Variants in SULF1 observed in about 807,000 individuals in gnomAD.
SULF1 encodes the protein extracellular sulfatase Sulf-1.
Under a neutral mutation model 110.5 loss-of-function variants are expected in SULF1, and 46 were observed. That is an observed-to-expected ratio of 0.42 (90% CI 0.33 to 0.53). The LOEUF (loss-of-function observed/expected upper bound fraction) is 0.53, where lower values mean the gene tolerates loss of function less well. Ranked by LOEUF, SULF1 falls within the 20% of genes least tolerant of loss-of-function variation. The probability of loss-of-function intolerance (pLI) is 0.12; values close to 1 mark genes in which losing one functional copy is unlikely to be tolerated. For synonymous variants in SULF1, 371 were observed against 387.1 expected, an observed-to-expected ratio of 0.96 and a Z score of 0.49; for missense variants, 941 against 1,094.2, an observed-to-expected ratio of 0.86 and a Z score of 1.98.
At chr8:69,571,899 A>G (rs1805260817) in intron 5 of SULF1, among the ~76,000 whole-genome samples, 1 of 152,176 alleles carries the variant, frequency 6.6e-6, no homozygotes, top group Non-Finnish European at 1.5e-5. Context: ...AACACAGTGG[A>G]GTGAAGAGAT....
chr8:69,520,800 G>C (rs1039479765), intron 3 of SULF1, among the ~76,000 whole-genome samples: 72 of 152,230 alleles, frequency 4.7e-4, no homozygotes, highest in Middle Eastern at 3.4e-3. Flanking sequence ...TATCAGCTTG[G>C]GTTCTCTTTC....
intron 3 of SULF1, among the ~76,000 whole-genome samples, chr8:69,543,349 T>C (rs989510538): frequency 3.9e-5 from 6 of 152,276 alleles, no homozygotes; most frequent in African/African-American, 1.4e-4. Context: ...ATGCATTGGC[T>C]ATTTTCCCTA....
At chr8:69,564,197 C>G in intron 5 of SULF1, 50 bp downstream of exon 5, 1 of 1,597,914 alleles carries the variant, frequency 6.3e-7, no homozygotes, top group African/African-American at 1.3e-5. Flanking sequence ...CAGATGATTT[C>G]TCGAGTCTCA....
intron 6 of SULF1, 113 bp downstream of exon 6, chr8:69,576,322 A>C (rs1215029117): frequency 4.6e-6 from 6 of 1,316,146 alleles, no homozygotes; most frequent in Non-Finnish European, 6.3e-6. Context: ...AAAAGGATCA[A>C]GTGTTTTTAA....
intron 19 of SULF1, among the ~76,000 whole-genome samples, chr8:69,633,372 A>G (rs1810735430): frequency 7.0e-6 from 1 of 142,798 alleles, no homozygotes; most frequent in Non-Finnish European, 1.5e-5. Flanking sequence ...CTTGTTGCCC[A>G]GGCTGGAGTG....
chr8:69,475,866 AT>A (rs1809282115), intron 1 of SULF1, among the ~76,000 whole-genome samples: 1 of 152,194 alleles, frequency 6.6e-6, no homozygotes, highest in Non-Finnish European at 1.5e-5. Flanking sequence ...CACAACTGTG[AT>A]TTTCATAAGG....
chr8:69,531,768 G>A (rs1813099107), intron 3 of SULF1, among the ~76,000 whole-genome samples: 1 of 152,032 alleles, frequency 6.6e-6, no homozygotes, highest in African/African-American at 2.4e-5. Context: ...CATTATAATC[G>A]ATGCTGCTTC....
At chr8:69,470,944 A>G (rs902065540) in intron 1 of SULF1, among the ~76,000 whole-genome samples, 1 of 152,064 alleles carries the variant, frequency 6.6e-6, no homozygotes, top group Non-Finnish European at 1.5e-5. Flanking sequence ...CTTTAAAATG[A>G]GTTTGTCATC....
Position 69,621,116 on chromosome 8 carries a change from C to G in SULF1, c.1459C>G (p.Gln487Glu), listed in dbSNP as rs372786570. 120 of 1,613,994 alleles carry G rather than the reference C, an allele frequency of 7.4e-5. No individual in the cohort carries two copies. Among genetic ancestry groups the G allele is most frequent in the Non-Finnish European group, 9.9e-5 (117 of 1,179,980 alleles). The change falls in exon 14 of 23, where the codon CAG becomes GAG. Residue 487 changes from glutamine to glutamate, a missense_variant. Transcript: ENST00000402687. ...ACCCAGTGACCTGCTCACAGTCCGGCAGAGCACGCGGAACCTCTACGCTCG... is the reference window on the plus strand; with the variant it reads ...ACCCAGTGACCTGCTCACAGTCCGGGAGAGCACGCGGAACCTCTACGCTCG... ...KGPSDLLTVRQSTRNLYARGF... is the reference protein window; with the variant it reads ...KGPSDLLTVRESTRNLYARGF...
At chr8:69,504,883 T>G (rs1224069733) in intron 3 of SULF1, among the ~76,000 whole-genome samples, 1 of 152,190 alleles carries the variant, frequency 6.6e-6, no homozygotes, top group Non-Finnish European at 1.5e-5. Flanking sequence ...GGGTATGTGC[T>G]TGGACAATCA....
Position 69,621,252 on chromosome 8 carries a change from G to A in SULF1, c.1594+1G>A. On this transcript the variant is annotated splice_donor_variant, in intron 14 of 22. Transcript: ENST00000402687. LOFTEE classifies it high-confidence loss of function. Reference sequence around the variant, plus strand: ...TTCTTGAGAAACCAGGGGACTCCAAGTAAGCCACGCTTTTGTGACCATCTC... The same window carrying A: ...TTCTTGAGAAACCAGGGGACTCCAAATAAGCCACGCTTTTGTGACCATCTC... 6.2e-7 allele frequency: 1 copy of A among 1,610,534 alleles called. No individual in the cohort carries two copies. The highest frequency in any genetic ancestry group is 8.5e-7 in the Non-Finnish European group (1 of 1,177,928).
upstream of SULF1, among the ~76,000 whole-genome samples, chr8:69,488,313 G>T (rs1331147708): frequency 6.6e-6 from 1 of 152,212 alleles, no homozygotes; most frequent in African/African-American, 2.4e-5. Flanking sequence ...AGTTAGCAAA[G>T]ATTTAAATGA....
Position 69,589,508 on chromosome 8 carries a change from A to C in SULF1, c.734+367A>C, listed in dbSNP as rs143203496. Reference sequence around the variant, plus strand: ...CAAATAGTATGCTTTTCATAGCTGCACAGTGGGGACCTCTGGTCTGGTTAT... The same window carrying C: ...CAAATAGTATGCTTTTCATAGCTGCCCAGTGGGGACCTCTGGTCTGGTTAT... On this transcript the variant is annotated intron_variant, in intron 8 of 22. Coordinates refer to ENST00000402687, the MANE Select transcript of SULF1 (RefSeq NM_001128205.2). Among the ~76,000 whole-genome samples, 211 of 152,356 alleles carry C rather than the reference A, an allele frequency of 1.4e-3. 1 individual carries two copies. The highest frequency in any genetic ancestry group is 4.8e-3 in the African/African-American group (198 of 41,578).
At chr8:69,574,969 C>T (rs754271251) in intron 5 of SULF1, among the ~76,000 whole-genome samples, 2 of 152,146 alleles carry the variant, frequency 1.3e-5, no homozygotes, top group East Asian at 1.9e-4. Flanking sequence ...GTTTGCATTA[C>T]GATTTCCTTC....
chr8:69,523,985 T>C (rs1049807674), intron 3 of SULF1, among the ~76,000 whole-genome samples: 2 of 152,078 alleles, frequency 1.3e-5, no homozygotes. Flanking sequence ...TCTTCAAAAA[T>C]TCAGACAGGA....
rs949716994 is a variant in SULF1 at position 69,483,215 on chromosome 8, CAT to C, written c.-390-12548_-390-12547del. ...GGGAGACTGTATTTATAATCACAAT[CAT>C]ACGTTTTGCCAGTCAGTCATCAATA... On this transcript the variant is annotated intron_variant, in intron 1 of 22. Transcript: ENST00000260128. Among the ~76,000 whole-genome samples, 25 of 152,212 alleles carry C rather than the reference CAT, an allele frequency of 1.6e-4. 1 individual carries two copies. Among genetic ancestry groups the C allele is most frequent in the African/African-American group, 6.0e-4 (25 of 41,468 alleles).
chr8:69,626,245 T>C (rs1173006892), intron 15 of SULF1, among the ~76,000 whole-genome samples: 1 of 119,946 alleles, frequency 8.3e-6, no homozygotes, highest in Non-Finnish European at 1.8e-5. Flanking sequence ...TTACAATCCC[T>C]GAGCTAGACA....
At chr8:69,495,363 C>T (rs1810268469) in intron 1 of SULF1, among the ~76,000 whole-genome samples, 1 of 151,944 alleles carries the variant, frequency 6.6e-6, no homozygotes, top group Non-Finnish European at 1.5e-5. Flanking sequence ...TACTGCACTC[C>T]AGCCTGAGCA....
intron 19 of SULF1, 113 bp downstream of exon 19, chr8:69,629,792 G>A (rs533238661): frequency 5.1e-6 from 5 of 989,634 alleles, no homozygotes; most frequent in South Asian, 1.7e-5. Flanking sequence ...CAAGAGAAAG[G>A]CATCATATTC....
Sources: allele counts gnomAD v4.1 joint callset (sites outside exome capture counted in the v4.1 genomes callset), GRCh38; gene constraint gnomAD v4.1.1; transcripts MANE v1.5; gene names NCBI Gene and HGNC (gene_info 2026-07-23, HGNC 2026-07-21).